PHEX: variants seen among roughly 807,000 people sequenced by gnomAD.
PHEX encodes phosphate-regulating neutral endopeptidase PHEX.
In PHEX, 16 loss-of-function variants were observed where a neutral mutation model predicts 68.0. The ratio of observed to expected loss-of-function variants is 0.24; its 90% CI spans 0.16 to 0.36. The LOEUF (loss-of-function observed/expected upper bound fraction) is 0.36, where lower values mean the gene tolerates loss of function less well. PHEX is among the 10% of genes least tolerant of loss of function. The pLI, the probability that PHEX is intolerant of heterozygous loss-of-function variation, is 1.00. For synonymous variants in PHEX, 208 were observed against 205.1 expected (o/e 1.01, Z -0.12); for missense variants, 480 against 575.5 (o/e 0.83, Z 1.70).
intron 6 of PHEX, among the ~76,000 whole-genome samples, chrX:22,090,875 A>AATCAC (rs776985687): frequency 3.6e-5 from 4 of 111,988 alleles, no homozygotes; most frequent in Non-Finnish European, 7.5e-5. Context: ...ACTGCTTTAG[A>AATCAC]ATCACTTGGG....
intron 12 of PHEX, among the ~76,000 whole-genome samples, chrX:22,149,182 G>A (rs1932788786): frequency 1.8e-5 from 2 of 111,987 alleles, no homozygotes; most frequent in Non-Finnish European, 3.8e-5. Context: ...TTTAGCTAAG[G>A]TGAAGGGGAC....
chrX:22,144,998 A>G (rs765618691), intron 12 of PHEX, among the ~76,000 whole-genome samples: 9 of 111,628 alleles, frequency 8.1e-5, no homozygotes, highest in Admixed American at 9.6e-5. Flanking sequence ...GGTTCTATCT[A>G]GAGGTTTGAT....
At chrX:22,207,014 G>A (rs1041025073) in intron 15 of PHEX, among the ~76,000 whole-genome samples, 1 of 111,907 alleles carries the variant, frequency 8.9e-6, no homozygotes, top group Non-Finnish European at 1.9e-5. Flanking sequence ...CCCACTGAAT[G>A]TGATTGGTTC....
intron 16 of PHEX, among the ~76,000 whole-genome samples, chrX:22,216,535 A>C (rs1427371302): frequency 4.1e-5 from 4 of 98,651 alleles, no homozygotes; most frequent in Non-Finnish European, 8.2e-5. Context: ...TTATTTATTT[A>C]TGAGACAGAG....
At chrX:22,227,896 T>C (rs916114310) in intron 20 of PHEX, among the ~76,000 whole-genome samples, 1 of 111,879 alleles carries the variant, frequency 8.9e-6, no homozygotes, top group African/African-American at 3.3e-5. Context: ...CTTCTTAATG[T>C]GTTTGATACT....
chrX:22,042,091 G>A (rs1363790287), intron 2 of PHEX, among the ~76,000 whole-genome samples: 10 of 111,411 alleles, frequency 9.0e-5, no homozygotes, highest in Admixed American at 8.6e-4. Context: ...GGAGAATTAC[G>A]GCCAAGCCAG....
chrX:22,071,736 C>T (rs1195731571), intron 3 of PHEX, among the ~76,000 whole-genome samples: 1 of 112,703 alleles, frequency 8.9e-6, no homozygotes, highest in Non-Finnish European at 1.9e-5. Flanking sequence ...GTTGTCCACA[C>T]CATGGTCAAA....
At chrX:22,125,268 CAG>C (rs1308660343) in intron 11 of PHEX, among the ~76,000 whole-genome samples, 1 of 111,349 alleles carries the variant, frequency 9.0e-6, no homozygotes, top group Non-Finnish European at 1.9e-5. Flanking sequence ...TTCCACCAAT[CAG>C]TGGTTACAAC....
chrX:22,147,846 T>C lies in PHEX; in HGVS notation c.1404+14222T>C, dbSNP rs1378334749. 2.7e-5 allele frequency among the ~76,000 whole-genome samples: 3 copies of C among 110,947 alleles called. No homozygotes were observed. The South Asian group carries it at 1.1e-3, about 42-fold the overall frequency. Reference sequence around the variant, plus strand: ...TTGTGGTGGTTCAAATGAACAAAATTCCTTTTTAAAAAATGAAATTTATGT... The same window carrying C: ...TTGTGGTGGTTCAAATGAACAAAATCCCTTTTTAAAAAATGAAATTTATGT... On this transcript the variant is annotated intron_variant, in intron 12 of 21. Coordinates refer to ENST00000379374, the MANE Select transcript of PHEX (RefSeq NM_000444.6).
At chrX:22,215,841 G>GAGTT (rs1337855135) in intron 16 of PHEX, among the ~76,000 whole-genome samples, 3 of 111,139 alleles carry the variant, frequency 2.7e-5, no homozygotes, top group African/African-American at 9.8e-5. Context: ...TGAAGAATAA[G>GAGTT]AGTTGAAAGA....
intron 20 of PHEX, among the ~76,000 whole-genome samples, chrX:22,232,334 A>ATTTTCTGTCCATTTATC (rs1356811842): frequency 9.1e-6 from 1 of 109,754 alleles, no homozygotes; most frequent in Non-Finnish European, 1.9e-5. Flanking sequence ...TTGTTAATTA[A>ATTTTCTGTCCATTTATC]TTTTCTGTCC....
At chrX:22,174,881 C>T (rs771416672) in intron 13 of PHEX, among the ~76,000 whole-genome samples, 2 of 112,030 alleles carry the variant, frequency 1.8e-5, no homozygotes, top group South Asian at 7.5e-4. Context: ...TGCTTCTACT[C>T]CCTTCCTCAA....
intron 12 of PHEX, among the ~76,000 whole-genome samples, chrX:22,167,012 T>C (rs1220022415): frequency 1.8e-5 from 2 of 112,285 alleles, no homozygotes; most frequent in African/African-American, 6.5e-5. Context: ...TTATATTCCA[T>C]TGTGTACATA....
Position 22,047,112 on chromosome X carries a change from G to A in PHEX, c.250G>A (p.Ala84Thr), listed in dbSNP as rs767642869. Residue 84 changes from alanine (A) to threonine (T), a missense_variant, in exon 3 of 22, where the codon GCT becomes ACT. Physicochemically the swap from Ala to Thr is moderately conservative, Grantham distance 58. Coordinates refer to ENST00000379374, the MANE Select transcript of PHEX (RefSeq NM_000444.6). ...VDPCDNFFRF[A>T]CDGWISNNPI... The stretch of plus-strand genomic sequence containing the variant: ...TCCTTGTGATAATTTCTTCCGGTTC[G>A]CTTGTGATGGCTGGATAAGCAATAA... The A allele has an allele frequency of 4.1e-6, 5 of 1,204,883 alleles. No homozygotes were observed. The highest frequency in any genetic ancestry group is 5.6e-6 in the Non-Finnish European group (5 of 889,371).
At chrX:22,161,205 CA>C (rs1007650065) in intron 12 of PHEX, among the ~76,000 whole-genome samples, 2 of 112,498 alleles carry the variant, frequency 1.8e-5, no homozygotes, top group African/African-American at 6.5e-5. Context: ...TATGTTCTCA[CA>C]AAATATCTCA....
intron 11 of PHEX, among the ~76,000 whole-genome samples, chrX:22,133,124 G>T (rs774787588): frequency 9.0e-6 from 1 of 111,602 alleles, no homozygotes; most frequent in Non-Finnish European, 1.9e-5. Context: ...GGGCTCAAGG[G>T]ATCTGCTCAT....
intron 10 of PHEX, 130 bp from the exon 11 acceptor site, chrX:22,114,328 C>T: frequency 1.7e-6 from 1 of 601,140 alleles, no homozygotes; most frequent in Non-Finnish European, 2.8e-6. Context: ...TTTGCCTCTA[C>T]TATCTGATGC....
chrX:22,080,092 C>G (rs1278672120), intron 5 of PHEX, among the ~76,000 whole-genome samples: 1 of 111,310 alleles, frequency 9.0e-6, no homozygotes, highest in Non-Finnish European at 1.9e-5. Context: ...TTGTCGTGCC[C>G]CCACAATTGA....
At chrX:22,055,174 CAAAAAAAAAAAAAA>C (rs111628195) in intron 3 of PHEX, among the ~76,000 whole-genome samples, 11 of 66,069 alleles carry the variant, frequency 1.7e-4, no homozygotes, top group South Asian at 1.8e-3. Flanking sequence ...GACTCCAGCT[CAAAAAAAAAAAAAA>C]AAAAAAAAAA....
Sources: gnomAD v4.1 joint callset for allele counts (sites outside exome capture counted in the v4.1 genomes callset) on GRCh38, gnomAD v4.1.1 for gene constraint, MANE v1.5 for transcripts, NCBI Gene and HGNC (gene_info 2026-07-23, HGNC 2026-07-21) for gene names.